CAST: variants seen among roughly 807,000 people sequenced by gnomAD.
CAST encodes the protein MIR583 host.
In CAST, 76 loss-of-function variants were observed where a neutral mutation model predicts 119.6. The observed-to-expected ratio is 0.64, with a 90% CI of 0.53 to 0.77. The LOEUF (loss-of-function observed/expected upper bound fraction) is 0.77. Among genes scored for constraint, CAST ranks in the 30% least tolerant of loss-of-function variants. CAST has a pLI of 0.00. For missense variants in CAST, 953 were observed against 946.5 expected (o/e 1.01, Z -0.09); for synonymous variants, 319 against 331.6 (o/e 0.96, Z 0.41).
chr5:96,671,295 T>C (rs541060918), intron 1 of CAST, among the ~76,000 whole-genome samples: 1 of 152,264 alleles, frequency 6.6e-6, no homozygotes, highest in South Asian at 2.1e-4. Flanking sequence ...GCCTCCTCTC[T>C]AGCTGCCAAT....
At chr5:95,977,367 C>T in the CAST span, among the ~76,000 whole-genome samples, 1 of 152,214 alleles carries the variant, frequency 6.6e-6, no homozygotes, top group African/African-American at 2.4e-5. Flanking sequence ...GAGGGCTCTG[C>T]CCTCCTAACT....
chr5:96,169,069 CT>C, the CAST span, among the ~76,000 whole-genome samples: 24 of 152,230 alleles, frequency 1.6e-4, no homozygotes, highest in African/African-American at 4.8e-4. Context: ...AGAATTCTGA[CT>C]GCACTAACCA....
rs1020853722 is a variant in CAST, at chr5:96,619,495, G to A, written c.61-56044G>A. Among the ~76,000 whole-genome samples, 15 of 152,346 alleles carry A rather than the reference G, an allele frequency of 9.8e-5. 1 individual carries two copies. The highest frequency in any genetic ancestry group is 4.6e-4 in the Admixed American group (7 of 15,310). ...ATAAGGGAATAAAAGCAGGCTGCCC[G>A]AACTAGCAGCAGCAACCTGCTGGGT... On this transcript the variant is annotated intron_variant, in intron 1 of 11. Transcript: ENST00000505143.
the CAST span, among the ~76,000 whole-genome samples, chr5:96,401,172 T>TA: frequency 2.0e-5 from 3 of 151,436 alleles, no homozygotes; most frequent in Non-Finnish European, 4.4e-5. Context: ...GTGAGTGCTA[T>TA]ATTCATAGCT....
At chr5:96,363,551 A>G in the CAST span, among the ~76,000 whole-genome samples, 1 of 152,122 alleles carries the variant, frequency 6.6e-6, no homozygotes, top group East Asian at 1.9e-4. Context: ...GGTCCTTCAC[A>G]TCCCTTGTAA....
At chr5:96,086,963 T>C in the CAST span, among the ~76,000 whole-genome samples, 1 of 152,240 alleles carries the variant, frequency 6.6e-6, no homozygotes. Context: ...ACATTCCTAC[T>C]ACCTGTTTTG....
At chr5:96,278,769 A>T in the CAST span, 1 of 152,224 alleles carries the variant, frequency 6.6e-6, no homozygotes, top group Admixed American at 6.5e-5. Context: ...GCATATACAC[A>T]TACACTGTGC....
At chr5:96,394,250 T>C in the CAST span, among the ~76,000 whole-genome samples, 1 of 152,212 alleles carries the variant, frequency 6.6e-6, no homozygotes, top group African/African-American at 2.4e-5. Context: ...ATGTGGGCTT[T>C]TCTCACCATC....
the CAST span, among the ~76,000 whole-genome samples, chr5:96,234,389 A>G: frequency 5.9e-5 from 9 of 152,212 alleles, no homozygotes; most frequent in Admixed American, 5.9e-4. Context: ...GCATTGTAAT[A>G]TCTGCCTTAC....
chr5:96,713,472 C>T (rs1756597401), intron 3 of CAST, among the ~76,000 whole-genome samples: 1 of 152,108 alleles, frequency 6.6e-6, no homozygotes, highest in Admixed American at 6.6e-5. Flanking sequence ...CATCAATAAC[C>T]ATATATGCTT....
the CAST span, among the ~76,000 whole-genome samples, chr5:96,206,742 C>G: frequency 6.6e-6 from 1 of 152,074 alleles, no homozygotes; most frequent in Non-Finnish European, 1.5e-5. Context: ...TAATGTGATG[C>G]CTCCGGCTTG....
At chr5:96,168,242 C>A in the CAST span, among the ~76,000 whole-genome samples, 1 of 152,190 alleles carries the variant, frequency 6.6e-6, no homozygotes, top group Non-Finnish European at 1.5e-5. Context: ...GCTACCTTAT[C>A]AGCGTAAGCA....
chr5:96,380,448 A>G, the CAST span, among the ~76,000 whole-genome samples: 2 of 152,216 alleles, frequency 1.3e-5, no homozygotes, highest in African/African-American at 2.4e-5. Flanking sequence ...ATATTTGTGT[A>G]ATTGTTTGAG....
At position 96,695,921 on chromosome 5, in the gene CAST, T is replaced by G. The variant is rs1473713548; in HGVS notation, c.210+14T>G. 6.2e-7 allele frequency: 1 copy of G among 1,600,982 alleles called. No individual in the cohort carries two copies. Among genetic ancestry groups the G allele is most frequent in the South Asian group, 1.1e-5 (1 of 90,066 alleles). Reference sequence around the variant, plus strand: ...TCGGCCACCAAGGTCAGTGATTTCCTGAACACGAAAAGACCCCTACTGTAT... The same window carrying G: ...TCGGCCACCAAGGTCAGTGATTTCCGGAACACGAAAAGACCCCTACTGTAT... On this transcript the variant is annotated intron_variant, in intron 3 of 31. Coordinates refer to ENST00000675179, the MANE Select transcript of CAST (RefSeq NM_001750.7).
chr5:96,642,604 T>C (rs1747965191), intron 1 of CAST, among the ~76,000 whole-genome samples: 1 of 151,488 alleles, frequency 6.6e-6, no homozygotes, highest in Non-Finnish European at 1.5e-5. Flanking sequence ...TGCAGTATCC[T>C]GATCTCGGCT....
intron 3 of CAST, among the ~76,000 whole-genome samples, chr5:96,700,829 G>A (rs1227646163): frequency 6.6e-6 from 1 of 152,162 alleles, no homozygotes; most frequent in African/African-American, 2.4e-5. Context: ...CTCAGGGATT[G>A]TGATGGCCAC....
the CAST span, among the ~76,000 whole-genome samples, chr5:96,462,144 C>A: frequency 6.6e-6 from 1 of 152,060 alleles, no homozygotes; most frequent in African/African-American, 2.4e-5. Context: ...CTGCTGTTTG[C>A]TTACCATAGT....
the CAST span, among the ~76,000 whole-genome samples, chr5:95,987,260 G>C: frequency 6.6e-6 from 1 of 152,106 alleles, no homozygotes; most frequent in Non-Finnish European, 1.5e-5. Flanking sequence ...ACTTTGATCT[G>C]TAAAACAAAG....
chr5:96,347,682 T>C, the CAST span, among the ~76,000 whole-genome samples: 32 of 152,250 alleles, frequency 2.1e-4, no homozygotes, highest in African/African-American at 7.5e-4. Context: ...TGAGTCAGCC[T>C]TATCATCCCA....
Sources: gnomAD v4.1 joint callset for allele counts (sites outside exome capture counted in the v4.1 genomes callset) on GRCh38, gnomAD v4.1.1 for gene constraint, MANE v1.5 for transcripts, NCBI Gene and HGNC (gene_info 2026-07-23, HGNC 2026-07-21) for gene names.